Variants in PIP5K1C observed in about 807,000 individuals in gnomAD.
PIP5K1C encodes phosphatidylinositol-4-phosphate 5-kinase type 1 gamma, also known as phosphatidylinositol 4-phosphate 5-kinase type-1 gamma.
Under a neutral mutation model 80.1 loss-of-function variants are expected in PIP5K1C, and 45 were observed. That is an observed-to-expected ratio of 0.56 (90% CI 0.44 to 0.72). The LOEUF is 0.72. Ranked by LOEUF, PIP5K1C falls within the 30% of genes least tolerant of loss-of-function variation. The pLI is 0.00. For synonymous variants in PIP5K1C, 498 were observed against 420.1 expected (o/e 1.19, Z -2.27); for missense variants, 753 against 954.6 (o/e 0.79, Z 2.78).
intron 3 of PIP5K1C, among the ~76,000 whole-genome samples, chr19:3,663,237 T>C (rs1437915700): frequency 6.6e-6 from 1 of 152,232 alleles, no homozygotes; most frequent in Admixed American, 6.5e-5. Context: ...ATGTTCACTT[T>C]AGCCCTGGGA....
intron 3 of PIP5K1C, among the ~76,000 whole-genome samples, chr19:3,664,492 C>T (rs1016794698): frequency 5.9e-5 from 9 of 152,178 alleles, no homozygotes; most frequent in African/African-American, 2.2e-4. Flanking sequence ...ATCCACTGCC[C>T]GAGGTGGTGG....
At chr19:3,653,975 C>T (rs1378658284) in intron 6 of PIP5K1C, among the ~76,000 whole-genome samples, 2 of 151,656 alleles carry the variant, frequency 1.3e-5, no homozygotes, top group Non-Finnish European at 2.9e-5. Context: ...TGTATATGCA[C>T]ACACAAACAC....
chr19:3,668,923 G>A (rs556573686), intron 1 of PIP5K1C, among the ~76,000 whole-genome samples: 16 of 152,324 alleles, frequency 1.1e-4, no homozygotes, highest in Middle Eastern at 6.8e-3. Flanking sequence ...TAACAGCAGC[G>A]TCCTCCAGGC....
chr19:3,690,220 G>A (rs1205346029), intron 1 of PIP5K1C, among the ~76,000 whole-genome samples: 1 of 151,982 alleles, frequency 6.6e-6, no homozygotes, highest in African/African-American at 2.4e-5. Flanking sequence ...AAATAGGCTG[G>A]GCGCACTGGC....
chr19:3,656,398 C>T lies in PIP5K1C; in HGVS notation c.621+7G>A, dbSNP rs200852600. The T allele has an allele frequency of 7.7e-5, 124 of 1,613,140 alleles. No individual in the cohort carries two copies. The highest frequency in any genetic ancestry group is 1.0e-4 in the Non-Finnish European group (120 of 1,179,960). On this transcript the variant is annotated splice_region_variant and intron_variant, in intron 6 of 17. Transcript: ENST00000335312. ...GAGCCATCTGCCCCGCAGGGCGGGC[C>T]ACGCACCATGTAGTAGCCAGGGAGC...
chr19:3,633,066 G>A lies in PIP5K1C; in HGVS notation c.*101C>T, dbSNP rs1234762093. 16 of 690,478 alleles carry A rather than the reference G, an allele frequency of 2.3e-5. No individual in the cohort carries two copies. In the East Asian group the frequency reaches 2.7e-4, roughly 12 times the overall value. 42.8% of individuals were successfully genotyped at this position (690,478 alleles called of 1,614,324 possible). The stretch of plus-strand genomic sequence containing the variant: ...ACGAGGTCCGGTGGGGCGGCGAGGC[G>A]GGCATCTCCCGAGCTCTGGGCCTCA... On this transcript the variant is annotated 3_prime_UTR_variant, in exon 18 of 18. Coordinates refer to ENST00000335312, the MANE Select transcript of PIP5K1C (RefSeq NM_012398.3).
intron 1 of PIP5K1C, among the ~76,000 whole-genome samples, chr19:3,670,412 C>T (rs1195121396): frequency 6.6e-6 from 1 of 151,936 alleles, no homozygotes; most frequent in Non-Finnish European, 1.5e-5. Flanking sequence ...GGGGTGGAGG[C>T]GGGGAGGGCA....
At chr19:3,653,720 C>T (rs552097025) in intron 6 of PIP5K1C, 131 bp from the exon 7 acceptor site, 6 of 825,132 alleles carry the variant, frequency 7.3e-6, no homozygotes, top group South Asian at 1.8e-5. Flanking sequence ...CAGAAGCCCT[C>T]GGGGACCCCG....
At chr19:3,661,746 G>A in intron 4 of PIP5K1C, 125 bp downstream of exon 4, 1 of 1,159,488 alleles carries the variant, frequency 8.6e-7, no homozygotes. Context: ...AGAGCTCAAG[G>A]CCAAGGAGGC....
intron 1 of PIP5K1C, among the ~76,000 whole-genome samples, chr19:3,687,330 C>T (rs540118618): frequency 3.7e-4 from 57 of 152,266 alleles, no homozygotes; most frequent in Non-Finnish European, 6.6e-4. Flanking sequence ...CCACTGCACT[C>T]CAGCCTGGGT....
intron 1 of PIP5K1C, among the ~76,000 whole-genome samples, chr19:3,699,409 TCGCCCGCC>T (rs751174060): frequency 6.6e-6 from 1 of 151,996 alleles, no homozygotes; most frequent in African/African-American, 2.4e-5. Context: ...GCAGCACGCA[TCGCCCGCC>T]CGCCCGCTTG....
intron 1 of PIP5K1C, among the ~76,000 whole-genome samples, chr19:3,685,354 T>C (rs1469631439): frequency 3.3e-5 from 5 of 152,200 alleles, no homozygotes; most frequent in African/African-American, 4.8e-5. Context: ...GCTGATTATA[T>C]GGAACTCATA....
rs532899487 is a variant in PIP5K1C at position 3,653,055 on chromosome 19, T to G, written c.921+235A>C. 2.5e-3 allele frequency among the ~76,000 whole-genome samples: 379 copies of G among 152,372 alleles called. 1 individual carries two copies. Among genetic ancestry groups the G allele is most frequent in the Non-Finnish European group, 4.4e-3 (300 of 68,032 alleles). The stretch of plus-strand genomic sequence containing the variant: ...AAACCCTGGGCTCAAGCCATCTGCC[T>G]GCCTCCCAAAGAGCTGGGATCCCAG... On this transcript the variant is annotated intron_variant, in intron 7 of 17. Transcript: ENST00000335312.
chr19:3,664,977 C>T (rs550888705), intron 2 of PIP5K1C, 63 bp from the exon 3 acceptor site: 1 of 1,309,056 alleles, frequency 7.6e-7, no homozygotes, highest in South Asian at 1.2e-5. Flanking sequence ...ACAGGGCACG[C>T]TCTGAAACCC....
chr19:3,644,320 C>T, intron 11 of PIP5K1C, 69 bp from the exon 12 acceptor site: 3 of 1,512,990 alleles, frequency 2.0e-6, no homozygotes, highest in Non-Finnish European at 2.7e-6. Flanking sequence ...GACAGGGCCG[C>T]CGCCCACATA....
rs1294622517 is a variant in PIP5K1C, at chr19:3,631,287, G to A, written c.*1880C>T. ...AGGACTCCCTGGGAGGACTGGTGTGGCCTCTGGGGGTTGGGCCTTTGAGAT... is the reference window on the plus strand; with the variant it reads ...AGGACTCCCTGGGAGGACTGGTGTGACCTCTGGGGGTTGGGCCTTTGAGAT... On this transcript the variant is annotated 3_prime_UTR_variant, in exon 18 of 18. Transcript: ENST00000335312. The A allele has an allele frequency of 6.6e-6, 1 of 152,308 alleles. No homozygotes were observed. The highest frequency in any genetic ancestry group is 1.9e-4 in the East Asian group (1 of 5,190). 9.4% of individuals were successfully genotyped at this position (152,308 alleles called of 1,614,324 possible). A position where few individuals can be genotyped will look rare whatever the true frequency, so the allele number is the denominator to read the frequency against.
At chr19:3,663,356 C>G (rs1353802055) in intron 3 of PIP5K1C, among the ~76,000 whole-genome samples, 1 of 152,196 alleles carries the variant, frequency 6.6e-6, no homozygotes. Flanking sequence ...TGCCACTGCC[C>G]AGTTTCGGCC....
At chr19:3,656,054 G>A (rs1206993102) in intron 6 of PIP5K1C, among the ~76,000 whole-genome samples, 5 of 152,212 alleles carry the variant, frequency 3.3e-5, no homozygotes, top group South Asian at 2.1e-4. Context: ...TTGGGCCTCC[G>A]TGGCAGCTGA....
At position 3,700,139 on chromosome 19, in the gene PIP5K1C, C is replaced by T. The variant is rs2036251495; in HGVS notation, c.94+158G>A. Among the ~76,000 whole-genome samples the T allele has an allele frequency of 7.3e-5, 11 of 151,588 alleles. No individual in the cohort carries two copies. In the South Asian group the frequency reaches 2.1e-3, roughly 29 times the overall value. On this transcript the variant is annotated intron_variant, in intron 1 of 17. Transcript: ENST00000335312. ...CTTCCCGGCGCGGCTTCAGCCCCGT[C>T]CTCCCCGCGGCTCCAGGGGACTGCC...
Sources: gnomAD v4.1 joint callset for allele counts (sites outside exome capture counted in the v4.1 genomes callset) on GRCh38, gnomAD v4.1.1 for gene constraint, MANE v1.5 for transcripts, NCBI Gene and HGNC (gene_info 2026-07-23, HGNC 2026-07-21) for gene names.